The following WWOX variants were observed in gnomAD, a reference collection of about 807,000 sequenced individuals.
WWOX encodes the protein WW domain containing oxidoreductase, also known as WW domain-containing oxidoreductase.
WWOX carries 69 observed loss-of-function variants against 46.2 expected under a neutral mutation model. That is an observed-to-expected ratio of 1.49 (90% CI 1.23 to 1.82). WWOX has a LOEUF of 1.82. WWOX is among the 40% of genes most tolerant of loss of function. The probability of loss-of-function intolerance (pLI) is 0.00; values close to 1 mark genes in which losing one functional copy is unlikely to be tolerated. For synonymous variants in WWOX, 359 were observed against 202.6 expected (o/e 1.77, Z -6.56); for missense variants, 919 against 542.6 (o/e 1.69, Z -6.89).
chr16:78,533,484 C>A (rs549777222), intron 8 of WWOX, among the ~76,000 whole-genome samples: 69 of 151,974 alleles, frequency 4.5e-4, no homozygotes, highest in African/African-American at 1.6e-3. Context: ...GGGCCAGATT[C>A]AAAGTTGTCC....
intron 5 of WWOX, among the ~76,000 whole-genome samples, chr16:78,274,600 A>T (rs767505291): frequency 6.6e-6 from 1 of 152,130 alleles, no homozygotes; most frequent in Non-Finnish European, 1.5e-5. Context: ...CCAATGTTCA[A>T]TGTTGCTCAT....
At chr16:79,058,121 CAAACAAACAA>C (rs2048297425) in intron 8 of WWOX, among the ~76,000 whole-genome samples, 2 of 29,686 alleles carry the variant, frequency 6.7e-5, no homozygotes, top group African/African-American at 2.4e-4. Context: ...AAAAAAAAAA[CAAACAAACAA>C]AAAAAAAAAA....
At chr16:78,811,914 C>G (rs1209518311) in intron 8 of WWOX, among the ~76,000 whole-genome samples, 1 of 152,054 alleles carries the variant, frequency 6.6e-6, no homozygotes. Context: ...ATAAGATATA[C>G]CTGTTAGGGT....
rs58105315 is a variant in WWOX at position 79,031,852 on chromosome 16, TTA to T, written c.1057-179747_1057-179746del. ...TATGATATATATATCTTATTATATA[TTA>T]TATATATAGATAGATATCTATATAC... On this transcript the variant is annotated intron_variant, in intron 8 of 8. Transcript: ENST00000566780. Among the ~76,000 whole-genome samples the T allele has an allele frequency of 9.7e-3, 1,161 of 120,256 alleles. 7 individuals are homozygous for T. Among genetic ancestry groups the T allele is most frequent in the African/African-American group, 0.031 (1,083 of 34,576 alleles). 78.9% of individuals were successfully genotyped at this position (120,256 alleles called of 152,430 possible). A position where few individuals can be genotyped will look rare whatever the true frequency, so the allele number is the denominator to read the frequency against.
At chr16:79,209,273 A>T (rs979285568) in intron 8 of WWOX, among the ~76,000 whole-genome samples, 1 of 152,232 alleles carries the variant, frequency 6.6e-6, no homozygotes, top group African/African-American at 2.4e-5. Context: ...CAACAATGGC[A>T]TTCTGAATCA....
At chr16:78,601,155 G>T (rs2045613127) in intron 8 of WWOX, among the ~76,000 whole-genome samples, 1 of 152,176 alleles carries the variant, frequency 6.6e-6, no homozygotes, top group African/African-American at 2.4e-5. Context: ...GGCAAACCCA[G>T]GTTGGCCTCT....
intron 5 of WWOX, among the ~76,000 whole-genome samples, chr16:78,311,297 A>T (rs1029182420): frequency 1.3e-5 from 2 of 152,180 alleles, no homozygotes; most frequent in Admixed American, 1.3e-4. Context: ...GATGTATATA[A>T]ACAAATTCCT....
chr16:78,682,238 C>A (rs1038571338), intron 8 of WWOX, among the ~76,000 whole-genome samples: 1 of 152,180 alleles, frequency 6.6e-6, no homozygotes, highest in Non-Finnish European at 1.5e-5. Flanking sequence ...CTATGCCACT[C>A]TTCTGTCATG....
intron 5 of WWOX, among the ~76,000 whole-genome samples, chr16:78,313,902 C>A: frequency 6.6e-6 from 1 of 152,150 alleles, no homozygotes; most frequent in Non-Finnish European, 1.5e-5. Flanking sequence ...ATTGTCCAGT[C>A]TTAGAGTGAT....
chr16:79,109,953 G>A (rs1331839922), intron 8 of WWOX, among the ~76,000 whole-genome samples: 1 of 152,216 alleles, frequency 6.6e-6, no homozygotes, highest in Non-Finnish European at 1.5e-5. Context: ...CAGTTGCATG[G>A]AAATGAAAGT....
chr16:79,052,263 G>C (rs931420166), intron 8 of WWOX, among the ~76,000 whole-genome samples: 6 of 136,940 alleles, frequency 4.4e-5, no homozygotes, highest in South Asian at 2.3e-4. Context: ...TTGTTCAGTT[G>C]TCACCTATGA....
chr16:78,361,952 G>C (rs905392085), intron 5 of WWOX, among the ~76,000 whole-genome samples: 1 of 144,134 alleles, frequency 6.9e-6, no homozygotes, highest in African/African-American at 2.6e-5. Flanking sequence ...TTATATTAGC[G>C]TAGATTCACA....
chr16:78,509,201 G>A (rs998832033), intron 8 of WWOX, among the ~76,000 whole-genome samples: 2 of 152,224 alleles, frequency 1.3e-5, no homozygotes, highest in African/African-American at 4.8e-5. Flanking sequence ...CCCTTTGGGA[G>A]GCCAAGGCAG....
intron 5 of WWOX, among the ~76,000 whole-genome samples, chr16:78,373,646 T>C (rs78788103): frequency 6.6e-6 from 1 of 152,054 alleles, no homozygotes; most frequent in Non-Finnish European, 1.5e-5. Context: ...TTTTTTTTTT[T>C]AATTCTAGTC....
At chr16:78,277,036 A>T (rs1330641928) in intron 5 of WWOX, among the ~76,000 whole-genome samples, 2 of 152,202 alleles carry the variant, frequency 1.3e-5, no homozygotes, top group Non-Finnish European at 2.9e-5. Flanking sequence ...ACTCTAGTTC[A>T]TTTGCGAACC....
chr16:78,505,376 C>G (rs1182081179), intron 8 of WWOX, among the ~76,000 whole-genome samples: 1 of 152,152 alleles, frequency 6.6e-6, no homozygotes, highest in Non-Finnish European at 1.5e-5. Context: ...AAGTTCGGGT[C>G]CACCAGGCCC....
chr16:79,169,986 C>T (rs1325958276), intron 8 of WWOX, among the ~76,000 whole-genome samples: 4 of 152,156 alleles, frequency 2.6e-5, no homozygotes, highest in Non-Finnish European at 4.4e-5. Flanking sequence ...TGCTCTCCTG[C>T]AGGGCATTGC....
At chr16:78,197,424 C>T (rs961083998) in intron 5 of WWOX, among the ~76,000 whole-genome samples, 2 of 152,222 alleles carry the variant, frequency 1.3e-5, no homozygotes, top group South Asian at 2.1e-4. Flanking sequence ...CAGCTAATTA[C>T]CTACTGAGCT....
At chr16:78,528,915 T>A (rs888226528) in intron 8 of WWOX, among the ~76,000 whole-genome samples, 1 of 151,546 alleles carries the variant, frequency 6.6e-6, no homozygotes, top group Non-Finnish European at 1.5e-5. Context: ...AAAAAAACTT[T>A]CTTTTTTTTT....
Sources: allele counts gnomAD v4.1 joint callset (sites outside exome capture counted in the v4.1 genomes callset), GRCh38; gene constraint gnomAD v4.1.1; transcripts MANE v1.5; gene names NCBI Gene and HGNC (gene_info 2026-07-23, HGNC 2026-07-21).